The following NFIB variants were observed in gnomAD, a reference collection of about 807,000 sequenced individuals.
NFIB encodes nuclear factor I B.
A neutral mutation model predicts 61.5 loss-of-function variants in NFIB; 11 were observed. The observed-to-expected ratio is 0.18, with a 90% confidence interval of 0.11 to 0.30. The LOEUF (loss-of-function observed/expected upper bound fraction) is 0.30, where lower values mean the gene tolerates loss of function less well. Ranked by LOEUF, NFIB falls within the 10% of genes least tolerant of loss-of-function variation. The pLI, the probability that NFIB is intolerant of heterozygous loss-of-function variation, is 1.00. For synonymous variants in NFIB, 260 were observed against 216.5 expected (o/e 1.20, Z -1.76); for missense variants, 471 against 608.9 (o/e 0.77, Z 2.38).
chr9:14,450,165 T>A, the NFIB span, among the ~76,000 whole-genome samples: 1 of 152,084 alleles, frequency 6.6e-6, no homozygotes, highest in Admixed American at 6.5e-5. Flanking sequence ...TTCCGCTCCC[T>A]GTGTCCATGT....
the NFIB span, among the ~76,000 whole-genome samples, chr9:14,484,913 CA>C: frequency 4.8e-4 from 73 of 152,212 alleles, no homozygotes; most frequent in African/African-American, 1.7e-3. Flanking sequence ...CAGTCCAAAT[CA>C]GGGTGACAGC....
rs1381525042 is a variant in NFIB, at chr9:14,307,965, A to G, written c.31-445T>C. On this transcript the variant is annotated intron_variant, in intron 1 of 10. Transcript: ENST00000380953. The surrounding 1 kb of genome is among the most constrained non-coding windows in gnomAD (Gnocchi z 5.3). The stretch of plus-strand genomic sequence containing the variant: ...GAGATTTTTTTTTTTTAATCGGAGT[A>G]GAGCTGTTCAGAAGGCAGGAGCGAT... The G allele has an allele frequency of 2.6e-5, 4 of 156,418 alleles. No individual in the cohort carries two copies. The South Asian group carries it at 7.7e-4, about 30-fold the overall frequency. 9.7% of individuals were successfully genotyped at this position (156,418 alleles called of 1,614,324 possible).
intron 1 of NFIB, among the ~76,000 whole-genome samples, chr9:14,380,018 C>T (rs914901941): frequency 1.3e-5 from 2 of 152,006 alleles, no homozygotes; most frequent in Admixed American, 1.3e-4. Context: ...AACAAAGTCT[C>T]ATTTGACCCT....
chr9:14,382,945 G>T (rs900765966), intron 1 of NFIB, among the ~76,000 whole-genome samples: 2 of 152,112 alleles, frequency 1.3e-5, no homozygotes, highest in Non-Finnish European at 2.9e-5. Flanking sequence ...AGTTTCTCAG[G>T]CTGGGTATCT....
chr9:14,145,160 T>C (rs975454731), intron 6 of NFIB, among the ~76,000 whole-genome samples: 4 of 152,050 alleles, frequency 2.6e-5, no homozygotes, highest in East Asian at 1.9e-4. Context: ...AACTCTCCAG[T>C]TGAGTTTCAT....
intron 1 of NFIB, among the ~76,000 whole-genome samples, chr9:14,325,625 A>G (rs545542325): frequency 6.6e-5 from 10 of 152,190 alleles, no homozygotes; most frequent in African/African-American, 2.2e-4. Flanking sequence ...CTATTTCTCA[A>G]AAATAGAGAA....
At chr9:14,327,895 A>G (rs954819982) in intron 1 of NFIB, among the ~76,000 whole-genome samples, 5 of 152,164 alleles carry the variant, frequency 3.3e-5, no homozygotes, top group Non-Finnish European at 7.4e-5. Context: ...TGATACCACT[A>G]TGGTTCATGA....
chr9:14,465,546 A>G, the NFIB span, among the ~76,000 whole-genome samples: 1 of 150,484 alleles, frequency 6.6e-6, no homozygotes, highest in Non-Finnish European at 1.5e-5. Context: ...ACCAAAGCAT[A>G]TTTTGTGATG....
intron 2 of NFIB, among the ~76,000 whole-genome samples, chr9:14,203,997 A>G (rs1319981): frequency 1 from 151,825 of 152,302 alleles, 75,675 homozygotes; most frequent in Middle Eastern, 1. Flanking sequence ...AGAGAAGCAT[A>G]AGCAAAGCCA....
chr9:14,128,550 T>C (rs577228776), intron 6 of NFIB, among the ~76,000 whole-genome samples: 2 of 151,940 alleles, frequency 1.3e-5, no homozygotes, highest in South Asian at 4.2e-4. Flanking sequence ...ATACAAAAAT[T>C]AGCTGGGCGT....
chr9:14,516,403 C>A, the NFIB span, among the ~76,000 whole-genome samples: 1 of 152,084 alleles, frequency 6.6e-6, no homozygotes, highest in South Asian at 2.1e-4. Context: ...TCCTTGATCA[C>A]AAAAACAAAG....
At chr9:14,409,993 T>C in the NFIB span, among the ~76,000 whole-genome samples, 4 of 152,208 alleles carry the variant, frequency 2.6e-5, no homozygotes, top group African/African-American at 9.6e-5. Flanking sequence ...TTAGTACTAC[T>C]AGCCTTTTCA....
chr9:14,368,218 G>A (rs573357070), intron 1 of NFIB, among the ~76,000 whole-genome samples: 1 of 151,642 alleles, frequency 6.6e-6, no homozygotes, highest in South Asian at 2.1e-4. Context: ...GAGAAATGAA[G>A]AGAGCTTGAA....
chr9:14,251,472 C>G (rs1209652467), intron 2 of NFIB, among the ~76,000 whole-genome samples: 5 of 152,198 alleles, frequency 3.3e-5, no homozygotes, highest in Admixed American at 6.5e-5. Context: ...AGATTGCTGC[C>G]AGCCCCTTGG....
the NFIB span, among the ~76,000 whole-genome samples, chr9:14,479,456 C>T: frequency 1.4e-4 from 22 of 152,342 alleles, 1 homozygote; most frequent in South Asian, 3.1e-3. Context: ...TTGCTTCTGA[C>T]AATCTGTCCA....
At chr9:14,428,021 T>G in the NFIB span, among the ~76,000 whole-genome samples, 3 of 134,420 alleles carry the variant, frequency 2.2e-5, no homozygotes, top group African/African-American at 8.1e-5. Flanking sequence ...CACGGCTCAC[T>G]GCAGCCTCGA....
At chr9:14,150,822 T>C (rs2042787680) in intron 4 of NFIB, among the ~76,000 whole-genome samples, 1 of 152,130 alleles carries the variant, frequency 6.6e-6, no homozygotes, top group African/African-American at 2.4e-5. Context: ...TAATATAGAA[T>C]AATAATTTTT....
At chr9:14,529,152 C>T in the NFIB span, among the ~76,000 whole-genome samples, 31 of 152,222 alleles carry the variant, frequency 2.0e-4, no homozygotes, top group Admixed American at 1.9e-3. Flanking sequence ...TGTTTTTCCT[C>T]CCTCTGTTTT....
At chr9:14,423,603 C>G in the NFIB span, among the ~76,000 whole-genome samples, 1 of 152,216 alleles carries the variant, frequency 6.6e-6, no homozygotes, top group Non-Finnish European at 1.5e-5. Context: ...CATTTCCTCT[C>G]ATCCATCATT....
Sources: allele counts gnomAD v4.1 joint callset (sites outside exome capture counted in the v4.1 genomes callset), GRCh38; gene constraint gnomAD v4.1.1; non-coding constraint Gnocchi (gnomAD v3.1); transcripts MANE v1.5; gene names NCBI Gene and HGNC (gene_info 2026-07-23, HGNC 2026-07-21).